The following TTYH1 variants were observed in gnomAD, a reference collection of about 807,000 sequenced individuals.
TTYH1 encodes tweety family member 1.
A neutral mutation model predicts 61.2 loss-of-function variants in TTYH1; 33 were observed. The observed-to-expected ratio is 0.54, with a 90% CI of 0.41 to 0.72. The LOEUF is 0.72. Ranked by LOEUF, TTYH1 falls within the 30% of genes least tolerant of loss-of-function variation. The pLI is 0.00. For missense variants in TTYH1, 538 were observed against 575.8 expected, an observed-to-expected ratio of 0.93 and a Z score of 0.67; for synonymous variants, 308 against 266.4, an observed-to-expected ratio of 1.16 and a Z score of -1.52.
intron 10 of TTYH1, chr19:54,431,692 G>A (rs1042719480): frequency 1.7e-5 from 3 of 175,414 alleles, no homozygotes; most frequent in Admixed American, 5.4e-5. Flanking sequence ...GCTCCCCTGC[G>A]GCTTGTGCTG....
Position 54,416,682 on chromosome 19 carries a change from C to A in TTYH1, c.126+1004C>A. 1 of 1,187,592 alleles carries A rather than the reference C, an allele frequency of 8.4e-7. No homozygotes were observed. Among genetic ancestry groups the A allele is most frequent in the South Asian group, 1.3e-5 (1 of 75,600 alleles). 73.6% of individuals were successfully genotyped at this position (1,187,592 alleles called of 1,614,324 possible). ...GCGCGGAGGGGATGAGTGCTGTGTT[C>A]TGAGCTATTTGGGTCACGGCTGGCA... On this transcript the variant is annotated intron_variant, in intron 1 of 13. Coordinates refer to ENST00000376530, the MANE Select transcript of TTYH1 (RefSeq NM_020659.4). This position sits in a 1 kb window ranked among gnomAD's most constrained non-coding sequence, Gnocchi z 7.0.
chr19:54,425,656 A>C (rs1423938782), intron 4 of TTYH1, among the ~76,000 whole-genome samples: 2 of 151,948 alleles, frequency 1.3e-5, no homozygotes, highest in Non-Finnish European at 2.9e-5. Context: ...TGTGGCTTGC[A>C]TGCTTGCACC....
At chr19:54,435,925 G>A (rs1160888561) in intron 12 of TTYH1, 52 bp downstream of exon 12, 4 of 1,605,604 alleles carry the variant, frequency 2.5e-6, no homozygotes, top group Non-Finnish European at 3.4e-6. Flanking sequence ...CTGAACTCCT[G>A]GGTCTGAGGG....
Position 54,421,501 on chromosome 19 carries a change from A to C in TTYH1, c.417+113A>C, listed in dbSNP as rs1297787653. The C allele has an allele frequency of 1.3e-6, 1 of 744,686 alleles. No homozygotes were observed. Among genetic ancestry groups the C allele is most frequent in the African/African-American group, 1.7e-5 (1 of 58,030 alleles). 46.1% of individuals were successfully genotyped at this position (744,686 alleles called of 1,614,324 possible). A position where few individuals can be genotyped will look rare whatever the true frequency, so the allele number is the denominator to read the frequency against. On this transcript the variant is annotated intron_variant, in intron 3 of 13. Coordinates refer to ENST00000376530, the MANE Select transcript of TTYH1 (RefSeq NM_020659.4). This position sits in a 1 kb window ranked among gnomAD's most constrained non-coding sequence, Gnocchi z 4.8. ...AAGACCCCAGGCTTGAAGCTTAGGAACCCAGATTCAGAACTTCATCCTGAG... is the reference window on the plus strand; with the variant it reads ...AAGACCCCAGGCTTGAAGCTTAGGACCCCAGATTCAGAACTTCATCCTGAG...
At position 54,436,510 on chromosome 19, in the gene TTYH1, G is replaced by A. The variant is rs2083555833; in HGVS notation, c.*220G>A. The A allele has an allele frequency of 7.6e-6, 7 of 915,650 alleles. No individual in the cohort carries two copies. Among genetic ancestry groups the A allele is most frequent in the Non-Finnish European group, 1.2e-5 (7 of 584,430 alleles). 56.7% of individuals were successfully genotyped at this position (915,650 alleles called of 1,614,324 possible). ...AGGGGGCAGACTAGGGAGTAGGGCTGGCAGGGGAGGGGGCAGACAGCCTCG... is the reference window on the plus strand; with the variant it reads ...AGGGGGCAGACTAGGGAGTAGGGCTAGCAGGGGAGGGGGCAGACAGCCTCG... On this transcript the variant is annotated 3_prime_UTR_variant, in exon 14 of 14. Transcript: ENST00000376530. This position sits in a 1 kb window ranked among gnomAD's most constrained non-coding sequence, Gnocchi z 4.3.
intron 1 of TTYH1, among the ~76,000 whole-genome samples, chr19:54,418,057 A>G (rs1326639483): frequency 1.3e-5 from 2 of 151,784 alleles, no homozygotes; most frequent in Non-Finnish European, 2.9e-5. Context: ...ATGTGTGTGG[A>G]CAAAGGCAGA....
rs1442570203 is a variant in TTYH1, at chr19:54,436,662, T to C, written c.*372T>C. On this transcript the variant is annotated 3_prime_UTR_variant, in exon 14 of 14. Transcript: ENST00000376530. This position sits in a 1 kb window ranked among gnomAD's most constrained non-coding sequence, Gnocchi z 4.3. ...GCTCTGACCCCCTGATCTCAACTCG[T>C]GGCACTAACTTGGAAAAGGGTTGAT... is the stretch of plus-strand genomic sequence containing the variant. The C allele has an allele frequency of 2.0e-6, 1 of 512,760 alleles. No individual in the cohort carries two copies. The highest frequency in any genetic ancestry group is 3.5e-6 in the Non-Finnish European group (1 of 286,776). 31.8% of individuals were successfully genotyped at this position (512,760 alleles called of 1,614,324 possible).
Position 54,421,287 on chromosome 19 carries a change from G to A in TTYH1, c.316G>A (p.Gly106Ser). The change falls in exon 3 of 14, where the codon GGC becomes AGC. Residue 106 changes from glycine (G) to serine (S), a missense_variant. Gly to Ser is a moderately conservative substitution (Grantham distance 56, BLOSUM62 0). Transcript: ENST00000376530. This position sits in a 1 kb window ranked among gnomAD's most constrained non-coding sequence, Gnocchi z 4.8. The stretch of plus-strand genomic sequence containing the variant: ...TCCTCCTCCGCTCAGCACTGGCATT[G>A]GCATCGGTTTCTATGGCAACAGTGA... ...VALLAGCTGI[G>S]IGFYGNSETS... The A allele has an allele frequency of 6.2e-7, 1 of 1,612,294 alleles. No homozygotes were observed. Among genetic ancestry groups the A allele is most frequent in the Non-Finnish European group, 8.5e-7 (1 of 1,178,448 alleles).
chr19:54,417,448 G>A (rs1322735155), intron 1 of TTYH1, among the ~76,000 whole-genome samples: 2 of 150,864 alleles, frequency 1.3e-5, no homozygotes, highest in East Asian at 2.0e-4. Flanking sequence ...TACTACTCCC[G>A]CTATGCACTC....
rs79692933 is a variant in TTYH1, at chr19:54,420,072, T to C, written c.305+766T>C. 0.15 allele frequency among the ~76,000 whole-genome samples: 22,898 copies of C among 151,954 alleles called. 5,693 individuals are homozygous for C. Among genetic ancestry groups the C allele is most frequent in the African/African-American group, 0.52 (21,522 of 41,362 alleles). On this transcript the variant is annotated intron_variant, in intron 2 of 13. Coordinates refer to ENST00000376530, the MANE Select transcript of TTYH1 (RefSeq NM_020659.4). This position sits in a 1 kb window ranked among gnomAD's most constrained non-coding sequence, Gnocchi z 4.8. ...GTGGCTTAAGAGGCAGCACAGAGAT[T>C]CAGACCCAGGTTAGTAGGACCCCCT... is the stretch of plus-strand genomic sequence containing the variant.
In TTYH1 at chr19:54,436,461, T is replaced by C; in HGVS notation, c.*171T>C. 6.8e-7 allele frequency: 1 copy of C among 1,464,260 alleles called. No homozygotes were observed. The highest frequency in any genetic ancestry group is 9.6e-7 in the Non-Finnish European group (1 of 1,046,926). 90.7% of individuals were successfully genotyped at this position (1,464,260 alleles called of 1,614,324 possible). On this transcript the variant is annotated 3_prime_UTR_variant, in exon 14 of 14. Coordinates refer to ENST00000376530, the MANE Select transcript of TTYH1 (RefSeq NM_020659.4). This position sits in a 1 kb window ranked among gnomAD's most constrained non-coding sequence, Gnocchi z 4.3. ...CTCTTGGCCACTGTGCTCCCATTTC[T>C]GTCCTTGGCCTTGGGAGTAGCTGAG...
intron 9 of TTYH1, 41 bp from the exon 10 acceptor site, chr19:54,431,058 C>T (rs1392223352): frequency 6.5e-7 from 1 of 1,538,402 alleles, no homozygotes; most frequent in Admixed American, 1.7e-5. Flanking sequence ...ATGGGCGGGC[C>T]TGAAGAGTTC....
intron 5 of TTYH1, among the ~76,000 whole-genome samples, chr19:54,427,277 C>T (rs1319261973): frequency 4.1e-4 from 43 of 106,102 alleles, no homozygotes; most frequent in Non-Finnish European, 4.9e-4. Flanking sequence ...CCAGCCTGGG[C>T]GACAGAGTGA....
At position 54,436,110 on chromosome 19, in the gene TTYH1, A is replaced by G. The variant is rs1178710678; in HGVS notation, c.1334A>G (p.Gln445Arg). ...FNPQESKRFV[Q>R]WQSSI ...TAGCAGGAATCCAAGCGCTTTGTGC[A>G]GTGGCAGTCGTCTATCTGAGCCCCT... Residue 445 changes from glutamine to arginine, a missense_variant, in exon 13 of 14, where the codon CAG becomes CGG. By Grantham distance (43) the Gln-to-Arg change is conservative. This residue lies in a region of TTYH1 where 378 missense variants were observed against 401.2 expected (regional missense o/e 0.94). Coordinates refer to ENST00000376530, the MANE Select transcript of TTYH1 (RefSeq NM_020659.4). This position sits in a 1 kb window ranked among gnomAD's most constrained non-coding sequence, Gnocchi z 4.3. The G allele has an allele frequency of 6.2e-7, 1 of 1,613,954 alleles. No individual in the cohort carries two copies. The highest frequency in any genetic ancestry group is 8.5e-7 in the Non-Finnish European group (1 of 1,179,974).
chr19:54,417,915 G>A (rs1026382692), intron 1 of TTYH1, among the ~76,000 whole-genome samples: 1 of 151,908 alleles, frequency 6.6e-6, no homozygotes, highest in Non-Finnish European at 1.5e-5. Context: ...GCACCCAGGA[G>A]ACACACTCAG....
In TTYH1 at chr19:54,435,882, T is replaced by C; in HGVS notation, c.1314+9T>C. On this transcript the variant is annotated intron_variant, in intron 12 of 13. Transcript: ENST00000376530. The stretch of plus-strand genomic sequence containing the variant: ...ACCCTTTCAACCCTCAGGTACTGGA[T>C]GCCTGGGTCTGAGGGAGGAGGGGCG... 1 of 1,613,544 alleles carries C rather than the reference T, an allele frequency of 6.2e-7. No individual in the cohort carries two copies. The highest frequency in any genetic ancestry group is 1.1e-5 in the South Asian group (1 of 91,022).
rs142018042 is a variant in TTYH1 at position 54,430,246 on chromosome 19, G to C, written c.883+289G>C. On this transcript the variant is annotated intron_variant, in intron 7 of 13. Coordinates refer to ENST00000376530, the MANE Select transcript of TTYH1 (RefSeq NM_020659.4). ...AAGATAATGGTGCCAGGAAGAGAGA[G>C]GAGGGTCAGGAGAGGGTGCTCCTGG... Among the ~76,000 whole-genome samples the C allele has an allele frequency of 1.0e-2, 1,523 of 152,350 alleles. 11 individuals are homozygous for C. The highest frequency in any genetic ancestry group is 0.034 in the Middle Eastern group (10 of 294).
intron 8 of TTYH1, 39 bp downstream of exon 8, chr19:54,430,644 C>G: frequency 6.2e-7 from 1 of 1,605,638 alleles, no homozygotes; most frequent in Non-Finnish European, 8.5e-7. Context: ...GTTGAGGGAG[C>G]CAGAAATCTG....
intron 1 of TTYH1, chr19:54,418,190 C>T (rs142715543): frequency 3.3e-5 from 5 of 152,332 alleles, no homozygotes; most frequent in East Asian, 3.9e-4. Context: ...CCTCTGGGAC[C>T]GCACAGGTCA....
Sources: allele counts gnomAD v4.1 joint callset (sites outside exome capture counted in the v4.1 genomes callset), GRCh38; gene constraint gnomAD v4.1.1; regional missense constraint gnomAD v4.1.1; non-coding constraint Gnocchi (gnomAD v3.1); transcripts MANE v1.5; gene names NCBI Gene and HGNC (gene_info 2026-07-23, HGNC 2026-07-21).